Variants in SMC6 observed in about 807,000 individuals in gnomAD.
SMC6 encodes the protein structural maintenance of chromosomes protein 6.
A neutral mutation model predicts 142.2 loss-of-function variants in SMC6; 79 were observed. That is an observed-to-expected ratio of 0.56 (90% CI 0.46 to 0.67). SMC6 has a LOEUF of 0.67. Among genes scored for constraint, SMC6 ranks in the 30% least tolerant of loss-of-function variants. The pLI, the probability that SMC6 is intolerant of heterozygous loss-of-function variation, is 0.00. For missense variants in SMC6, 1,072 were observed against 1,284.0 expected (o/e 0.83, Z 2.52); for synonymous variants, 411 against 412.4 (o/e 1.00, Z 0.04).
intron 7 of SMC6, among the ~76,000 whole-genome samples, chr2:17,727,305 C>T (rs567830363): frequency 1.3e-5 from 2 of 152,024 alleles, no homozygotes; most frequent in African/African-American, 4.8e-5. Context: ...ATAAAGCAGG[C>T]GGAAAAAACG....
At chr2:17,716,585 C>G (rs1669097566) in intron 14 of SMC6, among the ~76,000 whole-genome samples, 156 bp downstream of exon 14, 1 of 152,152 alleles carries the variant, frequency 6.6e-6, no homozygotes, top group Admixed American at 6.5e-5. Flanking sequence ...TGAGTTAGCC[C>G]TGCTCTGCAA....
chr2:17,734,921 G>A (rs554405007), intron 5 of SMC6, among the ~76,000 whole-genome samples: 23 of 151,954 alleles, frequency 1.5e-4, no homozygotes, highest in Non-Finnish European at 3.2e-4. Flanking sequence ...TAGTAGAGAC[G>A]GGGTTTCGCC....
Position 17,678,936 on chromosome 2 carries a change from A to C in SMC6, c.2833T>G (p.Phe945Val). Reference protein sequence around the residue: ...RCLTLRCKLYFDNLLSQRAYC... With the variant: ...RCLTLRCKLYVDNLLSQRAYC... Reference sequence around the variant, plus strand: ...GCCCGCTGAGATAGTAAGTTGTCAAAGTATAATTTGCATCGTAAAGTCAAA... The same window carrying C: ...GCCCGCTGAGATAGTAAGTTGTCAACGTATAATTTGCATCGTAAAGTCAAA... Residue 945 changes from phenylalanine to valine, a missense_variant, in exon 25 of 28, where the codon TTT becomes GTT. By Grantham distance (50) the Phe-to-Val change is conservative. Around this residue, in one of 3 missense-constraint regions of SMC6, gnomAD observed 994 missense variants for 1,153.2 expected, o/e 0.86. Coordinates refer to ENST00000448223, the MANE Select transcript of SMC6 (RefSeq NM_001142286.2). 1 of 1,612,130 alleles carries C rather than the reference A, an allele frequency of 6.2e-7. No individual in the cohort carries two copies.
At chr2:17,689,646 T>C (rs1218363316) in intron 23 of SMC6, among the ~76,000 whole-genome samples, 3 of 152,214 alleles carry the variant, frequency 2.0e-5, no homozygotes, top group African/African-American at 4.8e-5. Flanking sequence ...CCTCAGTATC[T>C]GCAAAGGAAC....
intron 18 of SMC6, among the ~76,000 whole-genome samples, chr2:17,704,903 T>A (rs1668429613): frequency 1.3e-5 from 2 of 151,944 alleles, no homozygotes; most frequent in South Asian, 4.1e-4. Context: ...TAATAGGAAA[T>A]ATTTATTTTA....
At chr2:17,698,495 A>G (rs1668118645) in intron 21 of SMC6, among the ~76,000 whole-genome samples, 1 of 151,922 alleles carries the variant, frequency 6.6e-6, no homozygotes, top group Non-Finnish European at 1.5e-5. Context: ...TGTCTCTGGT[A>G]ATTTTATTTT....
intron 23 of SMC6, among the ~76,000 whole-genome samples, chr2:17,691,480 T>C (rs1157114029): frequency 2.0e-5 from 3 of 151,382 alleles, no homozygotes; most frequent in Non-Finnish European, 4.4e-5. Flanking sequence ...TGACTCTCAA[T>C]AGACGCAGAA....
intron 11 of SMC6, 86 bp downstream of exon 11, chr2:17,720,854 G>A: frequency 8.9e-7 from 1 of 1,122,852 alleles, no homozygotes; most frequent in South Asian, 1.4e-5. Flanking sequence ...GTCTGAAACT[G>A]ATGGTTTGGT....
intron 27 of SMC6, among the ~76,000 whole-genome samples, chr2:17,666,104 G>A (rs766584949): frequency 2.6e-5 from 4 of 152,128 alleles, no homozygotes; most frequent in Non-Finnish European, 5.9e-5. Flanking sequence ...GGCAAGATTA[G>A]GGAAATCATA....
intron 5 of SMC6, among the ~76,000 whole-genome samples, chr2:17,734,676 C>A (rs1572348661): frequency 6.6e-6 from 1 of 152,292 alleles, no homozygotes; most frequent in East Asian, 1.9e-4. Context: ...TTTAAACTAT[C>A]TTTAGTACAG....
chr2:17,725,054 C>T (rs1490149124), intron 9 of SMC6, among the ~76,000 whole-genome samples: 1 of 152,152 alleles, frequency 6.6e-6, no homozygotes, highest in Non-Finnish European at 1.5e-5. Flanking sequence ...AAGACATGTA[C>T]ACAGTCATTA....
intron 21 of SMC6, among the ~76,000 whole-genome samples, chr2:17,697,036 G>T (rs940206075): frequency 6.6e-6 from 1 of 152,068 alleles, no homozygotes; most frequent in Non-Finnish European, 1.5e-5. Flanking sequence ...AATCTCAAAG[G>T]AAGGACATAA....
At chr2:17,717,540 A>G (rs1427993417) in intron 12 of SMC6, among the ~76,000 whole-genome samples, 3 of 152,152 alleles carry the variant, frequency 2.0e-5, no homozygotes, top group Non-Finnish European at 1.5e-5. Context: ...GCGTGGTGGC[A>G]CGCCCCTATA....
At chr2:17,737,218 C>T (rs138666057) in intron 5 of SMC6, among the ~76,000 whole-genome samples, 1,684 of 152,194 alleles carry the variant, frequency 0.011, 14 homozygotes, top group Non-Finnish European at 0.018. Flanking sequence ...CTGAGGAATA[C>T]ATAAGAAATT....
At chr2:17,750,109 G>A (rs948230605) in intron 2 of SMC6, among the ~76,000 whole-genome samples, 4 of 152,098 alleles carry the variant, frequency 2.6e-5, no homozygotes, top group Admixed American at 1.3e-4. Flanking sequence ...CAGCAAAACC[G>A]GGAAGTATAA....
intron 19 of SMC6, among the ~76,000 whole-genome samples, chr2:17,702,203 G>A (rs1181442037): frequency 1.3e-5 from 2 of 152,276 alleles, no homozygotes; most frequent in Non-Finnish European, 2.9e-5. Flanking sequence ...AACATCCAAA[G>A]TCTCAAGTTA....
chr2:17,677,156 C>T (rs765518544), intron 25 of SMC6, among the ~76,000 whole-genome samples: 52 of 152,220 alleles, frequency 3.4e-4, no homozygotes, highest in Admixed American at 3.4e-3. Flanking sequence ...GTCTTTATTA[C>T]CTTATGCTTG....
rs950981835 is a variant in SMC6, at chr2:17,700,383, T to A, written c.2224-5A>T. 4 of 1,589,758 alleles carry A rather than the reference T, an allele frequency of 2.5e-6. No individual in the cohort carries two copies. The highest frequency in any genetic ancestry group is 3.4e-6 in the Non-Finnish European group (4 of 1,170,824). On this transcript the variant is annotated splice_region_variant and splice_polypyrimidine_tract_variant and intron_variant, in intron 20 of 27. Transcript: ENST00000448223. ...ATTTTCCTGAGCTTCATCTTCCTGA[T>A]AAAATTTAAACAGCATATAAGGTTA... is the stretch of plus-strand genomic sequence containing the variant.
At chr2:17,711,932 T>A (rs921078150) in intron 16 of SMC6, among the ~76,000 whole-genome samples, 6 of 152,176 alleles carry the variant, frequency 3.9e-5, no homozygotes, top group African/African-American at 1.4e-4. Context: ...ATTTGGTGTA[T>A]TTTTAATTTC....
Sources: allele counts gnomAD v4.1 joint callset (sites outside exome capture counted in the v4.1 genomes callset), GRCh38; gene constraint gnomAD v4.1.1; regional missense constraint gnomAD v4.1.1; transcripts MANE v1.5; gene names NCBI Gene and HGNC (gene_info 2026-07-23, HGNC 2026-07-21).